DOCK2: variants seen among roughly 807,000 people sequenced by gnomAD.
The protein encoded by DOCK2 is dedicator of cytokinesis 2.
DOCK2 carries 87 observed loss-of-function variants against 248.9 expected under a neutral mutation model. That is an observed-to-expected ratio of 0.35 (90% confidence interval 0.29 to 0.42). The LOEUF is 0.42. Among genes scored for constraint, DOCK2 ranks in the 10% least tolerant of loss-of-function variants. The probability of loss-of-function intolerance (pLI) is 1.00; values close to 1 mark genes in which losing one functional copy is unlikely to be tolerated. For missense variants in DOCK2, 1,747 were observed against 2,300.2 expected (o/e 0.76, Z 4.92); for synonymous variants, 805 against 821.6 (o/e 0.98, Z 0.35).
intron 9 of DOCK2, among the ~76,000 whole-genome samples, chr5:169,690,788 G>A (rs1483190728): frequency 6.6e-6 from 1 of 152,182 alleles, no homozygotes; most frequent in Non-Finnish European, 1.5e-5. Context: ...CAGTAAATTT[G>A]TGTCACACAG....
At chr5:169,988,508 T>TTTTA (rs773668278) in intron 29 of DOCK2, among the ~76,000 whole-genome samples, 7 of 151,990 alleles carry the variant, frequency 4.6e-5, no homozygotes, top group Admixed American at 6.6e-5. Context: ...ATTATTATTG[T>TTTTA]TTTATTTATT....
chr5:169,827,006 G>A (rs1306354043), intron 26 of DOCK2, among the ~76,000 whole-genome samples: 1 of 146,244 alleles, frequency 6.8e-6, no homozygotes, highest in Admixed American at 6.7e-5. Flanking sequence ...CCAGGACAGA[G>A]CGTGGCACGT....
At chr5:169,989,138 G>C (rs545340062) in intron 29 of DOCK2, among the ~76,000 whole-genome samples, 1 of 152,150 alleles carries the variant, frequency 6.6e-6, no homozygotes, top group Non-Finnish European at 1.5e-5. Context: ...TGTTGGAAAA[G>C]GGAGTGGAGT....
intron 27 of DOCK2, among the ~76,000 whole-genome samples, chr5:169,949,887 G>A (rs1282938548): frequency 6.6e-5 from 10 of 151,830 alleles, no homozygotes; most frequent in South Asian, 4.2e-4. Flanking sequence ...CCATACATAC[G>A]TGCTCATATC....
chr5:170,081,458 C>T (rs1344861019), intron 50 of DOCK2: 1 of 183,672 alleles, frequency 5.4e-6, no homozygotes, highest in African/African-American at 2.3e-5. Flanking sequence ...GGGTTTGAGA[C>T]TCTCTTCCCG....
chr5:169,714,179 C>T lies in DOCK2; in HGVS notation c.1811C>T (p.Thr604Ile). The T allele has an allele frequency of 6.2e-7, 1 of 1,612,144 alleles. No individual in the cohort carries two copies. Among genetic ancestry groups the T allele is most frequent in the Non-Finnish European group, 8.5e-7 (1 of 1,178,836 alleles). The change falls in exon 18 of 52, where the codon ACC (threonine) becomes ATC (isoleucine). Residue 604 changes from threonine (T) to isoleucine (I), a missense_variant. This residue lies in a region of DOCK2 where 858 missense variants were observed against 1,183.5 expected (regional missense o/e 0.72). Coordinates refer to ENST00000520908, the MANE Select transcript of DOCK2 (RefSeq NM_004946.3). ...VSSRDVFSISTLVCSTKLTQN... is the reference protein window; with the variant it reads ...VSSRDVFSISILVCSTKLTQN... ...TCCCGGGATGTGTTCTCCATTTCCACCCTGGTGTGCTCCACAAAGCTCACT... is the reference window on the plus strand; with the variant it reads ...TCCCGGGATGTGTTCTCCATTTCCATCCTGGTGTGCTCCACAAAGCTCACT...
At chr5:170,060,280 G>C (rs372291465) in intron 44 of DOCK2, among the ~76,000 whole-genome samples, 39 of 152,266 alleles carry the variant, frequency 2.6e-4, no homozygotes, top group South Asian at 1.7e-3. Flanking sequence ...GTATATCTCT[G>C]GGTCTTAGTT....
rs541214732 is a variant in DOCK2, at chr5:169,858,678, C to T, written c.2799+17826C>T. ...TCCCATCCAAATTTTGCAATGATTG[C>T]TTTGGCTGCTATGTGGAGAAGATAT... On this transcript the variant is annotated intron_variant, in intron 27 of 51. Coordinates refer to ENST00000520908, the MANE Select transcript of DOCK2 (RefSeq NM_004946.3). Among the ~76,000 whole-genome samples the T allele has an allele frequency of 1.1e-4, 16 of 152,234 alleles. No individual in the cohort carries two copies. The South Asian group carries it at 2.3e-3, about 22-fold the overall frequency.
At position 170,047,197 on chromosome 5, in the gene DOCK2, G is replaced by A. The variant is rs112619515; in HGVS notation, c.3967-313G>A. ...TGGGAACCCTGAATGCAACTAACTGGGTTCAGCTCCATGCTTACTGGCTGC... is the reference window on the plus strand; with the variant it reads ...TGGGAACCCTGAATGCAACTAACTGAGTTCAGCTCCATGCTTACTGGCTGC... On this transcript the variant is annotated intron_variant, in intron 39 of 51. Coordinates refer to ENST00000520908, the MANE Select transcript of DOCK2 (RefSeq NM_004946.3). 2.6e-3 allele frequency among the ~76,000 whole-genome samples: 392 copies of A among 152,172 alleles called. 13 individuals carry two copies. The South Asian group carries it at 0.049, about 19-fold the overall frequency.
chr5:169,909,851 C>T (rs1488141572), intron 27 of DOCK2, among the ~76,000 whole-genome samples: 1 of 152,170 alleles, frequency 6.6e-6, no homozygotes, highest in African/African-American at 2.4e-5. Flanking sequence ...GGAAAATCAC[C>T]TGAGACATAC....
chr5:169,972,489 A>T (rs901047220), intron 27 of DOCK2, among the ~76,000 whole-genome samples: 2 of 53,864 alleles, frequency 3.7e-5, no homozygotes, highest in African/African-American at 5.0e-4. Flanking sequence ...AAAATATTTC[A>T]AGGCAATGCC....
chr5:169,956,923 A>T (rs937027906), intron 27 of DOCK2, among the ~76,000 whole-genome samples: 1 of 152,040 alleles, frequency 6.6e-6, no homozygotes, highest in Admixed American at 6.6e-5. Flanking sequence ...CTGTCCCTGG[A>T]GGGCCTGCAG....
intron 27 of DOCK2, among the ~76,000 whole-genome samples, chr5:169,940,065 C>T (rs1776174311): frequency 6.6e-6 from 1 of 152,200 alleles, no homozygotes; most frequent in South Asian, 2.1e-4. Flanking sequence ...ATCTAGAGCC[C>T]TGGTGACGGC....
At chr5:170,073,371 A>G (rs1757741323) in intron 46 of DOCK2, among the ~76,000 whole-genome samples, 1 of 152,172 alleles carries the variant, frequency 6.6e-6, no homozygotes, top group African/African-American at 2.4e-5. Flanking sequence ...CTTGAAATCT[A>G]ATAGTCAGTG....
chr5:169,829,541 A>G (rs1346737963), intron 26 of DOCK2, among the ~76,000 whole-genome samples: 1 of 152,240 alleles, frequency 6.6e-6, no homozygotes, highest in Non-Finnish European at 1.5e-5. Flanking sequence ...TTGTTCATGT[A>G]GTTCAATTTT....
intron 29 of DOCK2, among the ~76,000 whole-genome samples, chr5:169,988,233 G>A (rs1026973607): frequency 1.3e-5 from 2 of 152,084 alleles, no homozygotes; most frequent in African/African-American, 2.4e-5. Flanking sequence ...CACATGAAAT[G>A]TTCTCACTAT....
intron 29 of DOCK2, among the ~76,000 whole-genome samples, chr5:169,987,510 C>T (rs1778098742): frequency 1.3e-5 from 2 of 152,190 alleles, no homozygotes; most frequent in African/African-American, 2.4e-5. Flanking sequence ...GATGTCCAGC[C>T]TTGATCCAGG....
At position 170,048,741 on chromosome 5, in the gene DOCK2, A is replaced by G. The variant is rs1756805974; in HGVS notation, c.4071+1127A>G. On this transcript the variant is annotated intron_variant, in intron 40 of 51. Transcript: ENST00000520908. ...TCCTGAGAGGGTCTTGGGAACCTCAAGTGTCCCTGGAGCACAGTTTCTGAA... is the reference window on the plus strand; with the variant it reads ...TCCTGAGAGGGTCTTGGGAACCTCAGGTGTCCCTGGAGCACAGTTTCTGAA... Among the ~76,000 whole-genome samples, 3 of 152,202 alleles carry G rather than the reference A, an allele frequency of 2.0e-5. 1 individual carries two copies. The South Asian group carries it at 6.2e-4, about 32-fold the overall frequency.
chr5:169,684,270 G>A lies in DOCK2; in HGVS notation c.681G>A (p.Val227=), dbSNP rs775347847. 8.1e-5 allele frequency: 130 copies of A among 1,614,036 alleles called. 2 individuals carry two copies. Among genetic ancestry groups the A allele is most frequent in the Middle Eastern group, 6.6e-4 (4 of 6,084 alleles). ...CCACCCATAGCCTCTATGTGTTTGTGAGAAACTTTGTGTGCAGAATTGGGG... is the reference window on the plus strand; with the variant it reads ...CCACCCATAGCCTCTATGTGTTTGTAAGAAACTTTGTGTGCAGAATTGGGG... ...SSPTHSLYVF[V]RNFVCRIGED... is the part of the protein sequence containing the mutation. The change falls in exon 8 of 52, where the codon GTG becomes GTA. Residue 227 remains valine (V), a synonymous_variant. Coordinates refer to ENST00000520908, the MANE Select transcript of DOCK2 (RefSeq NM_004946.3).
Sources: allele counts gnomAD v4.1 joint callset (sites outside exome capture counted in the v4.1 genomes callset), GRCh38; gene constraint gnomAD v4.1.1; regional missense constraint gnomAD v4.1.1; transcripts MANE v1.5; gene names NCBI Gene and HGNC (gene_info 2026-07-23, HGNC 2026-07-21).